Variants in KCNB2 observed in about 807,000 individuals in gnomAD.
KCNB2 encodes the protein delayed rectifier potassium channel protein.
In KCNB2, 15 loss-of-function variants were observed where a neutral mutation model predicts 61.5. The ratio of observed to expected loss-of-function variants is 0.24; its 90% CI spans 0.16 to 0.38. The LOEUF (loss-of-function observed/expected upper bound fraction) is 0.38, where lower values mean the gene tolerates loss of function less well. Among genes scored for constraint, KCNB2 ranks in the 10% least tolerant of loss-of-function variants. The pLI is 1.00. For synonymous variants in KCNB2, 457 were observed against 446.0 expected, an observed-to-expected ratio of 1.02 and a Z score of -0.31; for missense variants, 828 against 1,125.2, an observed-to-expected ratio of 0.74 and a Z score of 3.78.
At chr8:72,787,018 AC>A (rs1363981016) in intron 2 of KCNB2, among the ~76,000 whole-genome samples, 1 of 152,108 alleles carries the variant, frequency 6.6e-6, no homozygotes, top group Non-Finnish European at 1.5e-5. Flanking sequence ...TCATTTGCTG[AC>A]TATGCTACTG....
chr8:72,685,985 G>A (rs1482046488), intron 2 of KCNB2, among the ~76,000 whole-genome samples: 2 of 152,130 alleles, frequency 1.3e-5, no homozygotes, highest in African/African-American at 4.8e-5. Context: ...GTGAAACTCT[G>A]TCTCAAAAAA....
At chr8:72,611,643 A>G (rs187131740) in intron 2 of KCNB2, among the ~76,000 whole-genome samples, 1 of 152,300 alleles carries the variant, frequency 6.6e-6, no homozygotes, top group East Asian at 1.9e-4. Context: ...TGTTTACTGC[A>G]TGGCACACTG....
intron 2 of KCNB2, among the ~76,000 whole-genome samples, chr8:72,592,832 A>G (rs1407833837): frequency 6.6e-6 from 1 of 152,134 alleles, no homozygotes; most frequent in Non-Finnish European, 1.5e-5. Flanking sequence ...GGTTTTTGTT[A>G]TAGCAGCATA....
At chr8:72,821,342 AAAG>A (rs1291863022) in intron 2 of KCNB2, among the ~76,000 whole-genome samples, 1 of 152,160 alleles carries the variant, frequency 6.6e-6, no homozygotes, top group Non-Finnish European at 1.5e-5. Context: ...ACGCATGACT[AAAG>A]AAGATCTGTA....
intron 2 of KCNB2, among the ~76,000 whole-genome samples, chr8:72,886,233 C>T (rs950531839): frequency 6.6e-6 from 1 of 152,188 alleles, no homozygotes; most frequent in Non-Finnish European, 1.5e-5. Context: ...GGGCACCCTG[C>T]AGCCTTCCCC....
intron 2 of KCNB2, among the ~76,000 whole-genome samples, chr8:72,675,081 T>C (rs995118849): frequency 3.9e-5 from 6 of 152,238 alleles, no homozygotes; most frequent in East Asian, 3.9e-4. Context: ...AATGTAGAAA[T>C]GACTAATGGG....
chr8:72,904,079 G>A (rs193024484), intron 2 of KCNB2, among the ~76,000 whole-genome samples: 6 of 151,976 alleles, frequency 3.9e-5, no homozygotes, highest in Admixed American at 1.3e-4. Flanking sequence ...TTCCTTTCTC[G>A]TTTTTTATTT....
At chr8:72,633,304 T>C (rs1490407679) in intron 2 of KCNB2, among the ~76,000 whole-genome samples, 1 of 152,118 alleles carries the variant, frequency 6.6e-6, no homozygotes, top group South Asian at 2.1e-4. Flanking sequence ...CAAACCCTTG[T>C]CATGCTTCAG....
chr8:72,644,435 A>C (rs966293320), intron 2 of KCNB2, among the ~76,000 whole-genome samples: 1 of 152,156 alleles, frequency 6.6e-6, no homozygotes, highest in Non-Finnish European at 1.5e-5. Flanking sequence ...AAGGGATGAA[A>C]ATTCATTCAA....
chr8:72,801,341 A>G (rs1331844128), intron 2 of KCNB2, among the ~76,000 whole-genome samples: 8 of 152,206 alleles, frequency 5.3e-5, no homozygotes, highest in Admixed American at 4.6e-4. Flanking sequence ...TGTAAAAAGA[A>G]TAGAACATGC....
At chr8:72,621,348 G>C (rs1411315132) in intron 2 of KCNB2, among the ~76,000 whole-genome samples, 9 of 152,132 alleles carry the variant, frequency 5.9e-5, no homozygotes, top group African/African-American at 2.2e-4. Context: ...CCAGATCCCA[G>C]CTTCCAGATC....
chr8:72,638,857 G>A (rs539351308), intron 2 of KCNB2, among the ~76,000 whole-genome samples: 18 of 152,218 alleles, frequency 1.2e-4, no homozygotes, highest in African/African-American at 4.1e-4. Context: ...TCCTCAAATG[G>A]AAAAACTCTA....
chr8:72,841,223 G>A (rs1809877888), intron 2 of KCNB2, among the ~76,000 whole-genome samples: 1 of 152,002 alleles, frequency 6.6e-6, no homozygotes, highest in African/African-American at 2.4e-5. Flanking sequence ...TAGATGTGTG[G>A]CATTATTTAT....
intron 2 of KCNB2, among the ~76,000 whole-genome samples, chr8:72,724,337 C>A (rs1329799086): frequency 1.3e-5 from 2 of 152,160 alleles, no homozygotes; most frequent in South Asian, 2.1e-4. Flanking sequence ...TAATGTGTGT[C>A]TTGGCTTACA....
At chr8:72,635,116 G>GC (rs757654041) in intron 2 of KCNB2, among the ~76,000 whole-genome samples, 1 of 152,166 alleles carries the variant, frequency 6.6e-6, no homozygotes, top group Middle Eastern at 3.2e-3. Flanking sequence ...GCTCTGTGAT[G>GC]CTTGAAGCTT....
At chr8:72,601,927 TAC>T (rs1455659387) in intron 2 of KCNB2, among the ~76,000 whole-genome samples, 1 of 152,180 alleles carries the variant, frequency 6.6e-6, no homozygotes, top group African/African-American at 2.4e-5. Flanking sequence ...TGCACAAATT[TAC>T]ACATGCATTT....
intron 2 of KCNB2, among the ~76,000 whole-genome samples, chr8:72,770,648 A>AT (rs895936013): frequency 6.6e-6 from 1 of 152,192 alleles, no homozygotes; most frequent in Non-Finnish European, 1.5e-5. Context: ...ATAAGAAATA[A>AT]TAATGACACC....
chr8:72,818,973 C>T (rs1181250384), intron 2 of KCNB2, among the ~76,000 whole-genome samples: 1 of 152,106 alleles, frequency 6.6e-6, no homozygotes, highest in Non-Finnish European at 1.5e-5. Flanking sequence ...TCTTTCGTGT[C>T]TCAGATTCAC....
intron 2 of KCNB2, among the ~76,000 whole-genome samples, chr8:72,615,038 C>T (rs1805596651): frequency 6.6e-6 from 1 of 152,198 alleles, no homozygotes; most frequent in African/African-American, 2.4e-5. Flanking sequence ...CCAAACCTCC[C>T]CACATAACAC....
Sources: allele counts gnomAD v4.1 joint callset (sites outside exome capture counted in the v4.1 genomes callset), GRCh38; gene constraint gnomAD v4.1.1; transcripts MANE v1.5; gene names NCBI Gene and HGNC (gene_info 2026-07-23, HGNC 2026-07-21).